The following DRC8 variants were observed in gnomAD, a reference collection of about 807,000 sequenced individuals.
DRC8 encodes dynein regulatory complex subunit 8.
the DRC8 span, among the ~76,000 whole-genome samples, chr1:245,094,095 A>G: frequency 1.3e-5 from 2 of 152,178 alleles, no homozygotes; most frequent in Non-Finnish European, 2.9e-5. Flanking sequence ...AACTCAAGGT[A>G]TGATCCGCAC....
At chr1:244,971,667 C>T in the DRC8 span, among the ~76,000 whole-genome samples, 1 of 152,144 alleles carries the variant, frequency 6.6e-6, no homozygotes, top group Non-Finnish European at 1.5e-5. Flanking sequence ...TTTTTCTCAG[C>T]ATAGAACCAA....
At chr1:245,054,723 T>C in the DRC8 span, among the ~76,000 whole-genome samples, 1 of 152,210 alleles carries the variant, frequency 6.6e-6, no homozygotes, top group Non-Finnish European at 1.5e-5. Context: ...CTTCTGCTCC[T>C]GTGGCTTCAT....
At chr1:245,095,301 A>G in the DRC8 span, among the ~76,000 whole-genome samples, 56 of 152,352 alleles carry the variant, frequency 3.7e-4, no homozygotes, top group South Asian at 1.9e-3. Context: ...ACCACCAGCT[A>G]CACCCCGCTG....
the DRC8 span, among the ~76,000 whole-genome samples, chr1:245,053,481 A>T: frequency 6.6e-6 from 1 of 152,222 alleles, no homozygotes; most frequent in Non-Finnish European, 1.5e-5. Flanking sequence ...TTAGCTTTCC[A>T]TAAGAGGAAG....
chr1:245,037,323 A>G, the DRC8 span, among the ~76,000 whole-genome samples: 2 of 152,254 alleles, frequency 1.3e-5, no homozygotes, highest in African/African-American at 4.8e-5. Context: ...ATGTAAAAAT[A>G]GTTCTGTGTT....
At chr1:244,973,752 G>A in the DRC8 span, among the ~76,000 whole-genome samples, 1 of 152,138 alleles carries the variant, frequency 6.6e-6, no homozygotes, top group Non-Finnish European at 1.5e-5. Context: ...ATTTCTAAAA[G>A]TTCTAAAGGG....
the DRC8 span, among the ~76,000 whole-genome samples, chr1:245,068,444 C>T: frequency 7.2e-5 from 11 of 151,730 alleles, no homozygotes; most frequent in African/African-American, 2.4e-4. Flanking sequence ...TTGTTGCTAT[C>T]GTATTCTTTT....
chr1:245,033,149 G>C, the DRC8 span, among the ~76,000 whole-genome samples: 2 of 152,186 alleles, frequency 1.3e-5, no homozygotes, highest in Non-Finnish European at 2.9e-5. Context: ...GCACAGAGCT[G>C]GCACACGGCG....
At chr1:245,090,528 G>A in the DRC8 span, among the ~76,000 whole-genome samples, 2,198 of 152,248 alleles carry the variant, frequency 0.014, 66 homozygotes, top group East Asian at 0.11. Flanking sequence ...TCCACCCATC[G>A]GTGCAGGTGC....
chr1:245,069,329 C>T, the DRC8 span, among the ~76,000 whole-genome samples: 9 of 152,076 alleles, frequency 5.9e-5, no homozygotes, highest in African/African-American at 9.6e-5. Flanking sequence ...CATAAGGAAG[C>T]AAAAATATAG....
chr1:244,970,742 C>T, the DRC8 span: 1 of 467,552 alleles, frequency 2.1e-6, no homozygotes, highest in African/African-American at 2.2e-5. Flanking sequence ...TTTCTCCTCC[C>T]GCCCTCTTCA....
the DRC8 span, chr1:245,086,959 T>C: frequency 3.8e-6 from 2 of 532,840 alleles, no homozygotes; most frequent in Non-Finnish European, 7.2e-6. Flanking sequence ...ACCTTGTTCA[T>C]GATGTCTGTA....
the DRC8 span, among the ~76,000 whole-genome samples, chr1:244,980,414 T>C: frequency 7.9e-4 from 120 of 152,238 alleles, 1 homozygote; most frequent in African/African-American, 2.8e-3. Context: ...GACAATCATA[T>C]TTGTTGTCTA....
At chr1:245,110,385 AAAAACAAAACAAAACAAAAC>A in the DRC8 span, among the ~76,000 whole-genome samples, 1 of 151,332 alleles carries the variant, frequency 6.6e-6, no homozygotes, top group Non-Finnish European at 1.5e-5. Context: ...TTCCTTCTCA[AAAAACAAAACAAAACAAAAC>A]AAAACAAAAC....
the DRC8 span, among the ~76,000 whole-genome samples, chr1:245,117,498 CAGTGCA>C: frequency 6.6e-6 from 1 of 151,986 alleles, no homozygotes; most frequent in African/African-American, 2.4e-5. Context: ...AATCTTGACT[CAGTGCA>C]ACTTCGCCTC....
chr1:245,105,422 C>T, the DRC8 span, among the ~76,000 whole-genome samples: 120 of 151,830 alleles, frequency 7.9e-4, no homozygotes, highest in African/African-American at 2.7e-3. Context: ...TTCTGAAGAC[C>T]AGCCTGGGCA....
At chr1:245,111,045 G>T in the DRC8 span, among the ~76,000 whole-genome samples, 1 of 152,140 alleles carries the variant, frequency 6.6e-6, no homozygotes, top group African/African-American at 2.4e-5. Flanking sequence ...GCATGTTTAT[G>T]AAAACCTGGT....
chr1:245,108,196 C>T, the DRC8 span, among the ~76,000 whole-genome samples: 3 of 152,306 alleles, frequency 2.0e-5, no homozygotes, highest in Admixed American at 2.0e-4. Flanking sequence ...ATGTTCCCCT[C>T]ACCCTGAGCT....
the DRC8 span, among the ~76,000 whole-genome samples, chr1:245,004,521 G>GC: frequency 6.6e-6 from 1 of 151,760 alleles, no homozygotes; most frequent in Non-Finnish European, 1.5e-5. Context: ...GGGACTATAG[G>GC]CATGTACCAC....
Sources: gnomAD v4.1 joint callset for allele counts (sites outside exome capture counted in the v4.1 genomes callset) on GRCh38, gnomAD v4.1.1 for gene constraint, MANE v1.5 for transcripts, NCBI Gene and HGNC (gene_info 2026-07-23, HGNC 2026-07-21) for gene names.